PGCKA1: variants seen among roughly 807,000 people sequenced by gnomAD.
The protein encoded by PGCKA1 is PDCD10 and GCKIII kinases associated 1.
the PGCKA1 span, among the ~76,000 whole-genome samples, chr4:37,553,461 G>A: frequency 6.6e-6 from 1 of 152,130 alleles, no homozygotes; most frequent in East Asian, 1.9e-4. Context: ...GTTTGATATA[G>A]GGTATTGTTT....
At chr4:37,564,291 GA>G in the PGCKA1 span, among the ~76,000 whole-genome samples, 1 of 42,696 alleles carries the variant, frequency 2.3e-5, no homozygotes, top group Non-Finnish European at 5.8e-5. Flanking sequence ...AAAAAAAAAA[GA>G]AAGAAAAAAA....
At chr4:37,544,129 C>T in the PGCKA1 span, among the ~76,000 whole-genome samples, 5,611 of 152,008 alleles carry the variant, frequency 0.037, 153 homozygotes, top group South Asian at 0.13. Context: ...TTTATCCTAC[C>T]CTCTCACTTA....
chr4:37,518,573 T>C, the PGCKA1 span, among the ~76,000 whole-genome samples: 333 of 152,370 alleles, frequency 2.2e-3, 2 homozygotes, highest in East Asian at 0.013. Flanking sequence ...ATGTCTTCTT[T>C]TGAGAAATGT....
chr4:37,551,499 A>C, the PGCKA1 span, among the ~76,000 whole-genome samples: 8 of 152,276 alleles, frequency 5.3e-5, no homozygotes, highest in South Asian at 2.1e-4. Context: ...CTGGCCCGGC[A>C]AAAAAACCCT....
the PGCKA1 span, among the ~76,000 whole-genome samples, chr4:37,490,443 T>C: frequency 6.6e-6 from 1 of 152,178 alleles, no homozygotes; most frequent in African/African-American, 2.4e-5. Context: ...ACTTGGCCAA[T>C]GCTACCAAGA....
the PGCKA1 span, among the ~76,000 whole-genome samples, chr4:37,479,041 C>T: frequency 1.3e-5 from 2 of 152,166 alleles, no homozygotes; most frequent in African/African-American, 2.4e-5. Context: ...ATCAGAATTA[C>T]ACTGTCTACA....
At chr4:37,584,003 T>G in the PGCKA1 span, among the ~76,000 whole-genome samples, 1 of 152,236 alleles carries the variant, frequency 6.6e-6, no homozygotes, top group African/African-American at 2.4e-5. Context: ...CAAAAGAGCA[T>G]ATTTTTTTCA....
chr4:37,564,689 T>G, the PGCKA1 span, among the ~76,000 whole-genome samples: 1 of 152,000 alleles, frequency 6.6e-6, no homozygotes, highest in African/African-American at 2.4e-5. Flanking sequence ...GTATTTTTAG[T>G]AGAGATGGGG....
chr4:37,592,208 CAAAAAA>C, the PGCKA1 span, among the ~76,000 whole-genome samples: 2 of 93,370 alleles, frequency 2.1e-5, no homozygotes, highest in Admixed American at 1.2e-4. Context: ...GACTCCATCT[CAAAAAA>C]AAAAAAAAAA....
At chr4:37,572,714 C>T in the PGCKA1 span, among the ~76,000 whole-genome samples, 4 of 152,124 alleles carry the variant, frequency 2.6e-5, no homozygotes, top group Non-Finnish European at 5.9e-5. Flanking sequence ...CTAAATATGA[C>T]ATTCAAATGT....
chr4:37,508,963 A>G, the PGCKA1 span, among the ~76,000 whole-genome samples: 5 of 150,984 alleles, frequency 3.3e-5, no homozygotes, highest in South Asian at 6.4e-4. Flanking sequence ...CTGAGTGGAC[A>G]CAGCACATGT....
chr4:37,518,401 G>T, the PGCKA1 span, among the ~76,000 whole-genome samples: 1 of 152,140 alleles, frequency 6.6e-6, no homozygotes, highest in Non-Finnish European at 1.5e-5. Context: ...GTGTATGCAG[G>T]TTCCCTTTTC....
At chr4:37,483,192 T>C in the PGCKA1 span, among the ~76,000 whole-genome samples, 1 of 152,192 alleles carries the variant, frequency 6.6e-6, no homozygotes, top group Non-Finnish European at 1.5e-5. Context: ...CCTGACACCA[T>C]GTGAAGAAGG....
At chr4:37,585,222 A>G in the PGCKA1 span, among the ~76,000 whole-genome samples, 1 of 3,072 alleles carries the variant, frequency 3.3e-4, no homozygotes, top group Non-Finnish European at 4.7e-4. Context: ...AGGGGAGGGG[A>G]GAGGAGAGGT....
At chr4:37,533,446 G>C in the PGCKA1 span, among the ~76,000 whole-genome samples, 1 of 152,146 alleles carries the variant, frequency 6.6e-6, no homozygotes, top group African/African-American at 2.4e-5. Flanking sequence ...ATTTACTTAA[G>C]TCTACTTTAA....
chr4:37,510,748 A>G, the PGCKA1 span, among the ~76,000 whole-genome samples: 1 of 151,878 alleles, frequency 6.6e-6, no homozygotes, highest in Non-Finnish European at 1.5e-5. Flanking sequence ...CTCTACAATC[A>G]ACAGGTGATG....
At chr4:37,535,634 C>T in the PGCKA1 span, among the ~76,000 whole-genome samples, 1 of 152,184 alleles carries the variant, frequency 6.6e-6, no homozygotes, top group Non-Finnish European at 1.5e-5. Flanking sequence ...TAAATCACCT[C>T]ATTTTGATTC....
chr4:37,518,246 T>C, the PGCKA1 span, among the ~76,000 whole-genome samples: 1 of 152,214 alleles, frequency 6.6e-6, no homozygotes, highest in African/African-American at 2.4e-5. Context: ...GGTGCAGATA[T>C]CTCTTTATAT....
chr4:37,547,195 G>A, the PGCKA1 span, among the ~76,000 whole-genome samples: 1 of 152,126 alleles, frequency 6.6e-6, no homozygotes. Context: ...TTCTCCATTC[G>A]AGTGGAAGCA....
Sources: gnomAD v4.1 joint callset for allele counts (sites outside exome capture counted in the v4.1 genomes callset) on GRCh38, gnomAD v4.1.1 for gene constraint, MANE v1.5 for transcripts, NCBI Gene and HGNC (gene_info 2026-07-23, HGNC 2026-07-21) for gene names.